RNF220: variants seen among roughly 807,000 people sequenced by gnomAD.
RNF220 encodes the protein E3 ubiquitin-protein ligase RNF220.
A neutral mutation model predicts 67.1 loss-of-function variants in RNF220; 7 were observed. That is an observed-to-expected ratio of 0.10 (90% CI 0.06 to 0.20). The LOEUF (loss-of-function observed/expected upper bound fraction) is 0.20, where lower values mean the gene tolerates loss of function less well. RNF220 is among the 10% of genes least tolerant of loss of function. The pLI is 1.00. For synonymous variants in RNF220, 270 were observed against 283.2 expected, an observed-to-expected ratio of 0.95 and a Z score of 0.47; for missense variants, 565 against 740.3, an observed-to-expected ratio of 0.76 and a Z score of 2.75.
At chr1:44,610,136 G>T (rs756385543) in intron 2 of RNF220, among the ~76,000 whole-genome samples, 1 of 152,218 alleles carries the variant, frequency 6.6e-6, no homozygotes, top group African/African-American at 2.4e-5. Context: ...CGGAATGAGC[G>T]ATCCATCTTT....
intron 2 of RNF220, among the ~76,000 whole-genome samples, chr1:44,512,154 ACT>A (rs1659066576): frequency 1.3e-5 from 2 of 151,914 alleles, no homozygotes; most frequent in South Asian, 2.1e-4. Context: ...AGAGAGGGAC[ACT>A]CTCTGGATGA....
chr1:44,471,960 A>G, intron 2 of RNF220, among the ~76,000 whole-genome samples: 1 of 152,252 alleles, frequency 6.6e-6, no homozygotes, highest in East Asian at 1.9e-4. Flanking sequence ...CATAAATAAA[A>G]TCATAAAACC....
chr1:44,533,858 C>T (rs1184001576), intron 2 of RNF220, among the ~76,000 whole-genome samples: 1 of 152,196 alleles, frequency 6.6e-6, no homozygotes, highest in Admixed American at 6.5e-5. Context: ...AGAAAGCATC[C>T]ATTTTTAGGG....
chr1:44,489,491 T>A (rs1029435666), intron 2 of RNF220, among the ~76,000 whole-genome samples: 2 of 152,234 alleles, frequency 1.3e-5, no homozygotes, highest in African/African-American at 4.8e-5. Flanking sequence ...GTTCATGCAT[T>A]CATGTATTTA....
At chr1:44,410,571 A>G (rs1395359118) in intron 1 of RNF220, 1 of 152,238 alleles carries the variant, frequency 6.6e-6, no homozygotes, top group Non-Finnish European at 1.5e-5. Flanking sequence ...AGTCATTGAC[A>G]TGTCTGCTAC....
rs770499732 is a variant in RNF220, at chr1:44,649,751, C to T, written c.1536C>T (p.Tyr512=). The change falls in exon 13 of 15, where the codon TAC becomes TAT. Residue 512 remains tyrosine, a synonymous_variant. Coordinates refer to ENST00000361799, the MANE Select transcript of RNF220 (RefSeq NM_018150.4). This position sits in a 1 kb window ranked among gnomAD's most constrained non-coding sequence, Gnocchi z 5.9. ...GGCAGCTATCTCGTGGGGACCGTTA[C>T]AAATGCCTCATCTGCATGGTGAGTA... is the stretch of plus-strand genomic sequence containing the variant. ...LERQLSRGDR[Y]KCLICMDSYS... 2.5e-6 allele frequency: 4 copies of T among 1,613,930 alleles called. No individual in the cohort carries two copies. The highest frequency in any genetic ancestry group is 2.7e-5 in the African/African-American group (2 of 74,896).
At position 44,595,708 on chromosome 1, in the gene RNF220, T is replaced by A. The variant is rs533413429; in HGVS notation, c.626-18457T>A. Among the ~76,000 whole-genome samples the A allele has an allele frequency of 2.0e-5, 3 of 152,332 alleles. No individual in the cohort carries two copies. In the South Asian group the frequency reaches 6.2e-4, roughly 32 times the overall value. On this transcript the variant is annotated intron_variant, in intron 2 of 14. Transcript: ENST00000361799. Reference sequence around the variant, plus strand: ...TCCATTCCAACCAGCATCAAGCAGATGCCCTGTGAGGAACAGAGATTTTTA... The same window carrying A: ...TCCATTCCAACCAGCATCAAGCAGAAGCCCTGTGAGGAACAGAGATTTTTA...
Position 44,514,956 on chromosome 1 carries a change from G to C in RNF220, c.626-99209G>C, listed in dbSNP as rs12060650. The stretch of plus-strand genomic sequence containing the variant: ...GAAGCAAAGGGGTAGGAGCTGGGCT[G>C]AACAAGGACCAGTCCTTGAAAATGG... On this transcript the variant is annotated intron_variant, in intron 2 of 14. Coordinates refer to ENST00000361799, the MANE Select transcript of RNF220 (RefSeq NM_018150.4). 5.4e-3 allele frequency among the ~76,000 whole-genome samples: 817 copies of C among 152,264 alleles called. 16 individuals carry two copies. Among genetic ancestry groups the C allele is most frequent in the African/African-American group, 0.019 (778 of 41,544 alleles).
intron 2 of RNF220, among the ~76,000 whole-genome samples, chr1:44,571,151 T>C (rs1057345360): frequency 1.3e-5 from 2 of 151,952 alleles, no homozygotes; most frequent in East Asian, 3.9e-4. Context: ...TCACACAGAA[T>C]AAAATCCAGT....
At chr1:44,457,828 A>G (rs1387647657) in intron 2 of RNF220, among the ~76,000 whole-genome samples, 2 of 152,198 alleles carry the variant, frequency 1.3e-5, no homozygotes. Context: ...ATTGCATTCT[A>G]ACTTAGAAAT....
chr1:44,632,693 T>C (rs955878455), intron 6 of RNF220: 96 of 522,194 alleles, frequency 1.8e-4, no homozygotes, highest in Middle Eastern at 5.2e-4. Context: ...AGCTTTGAAT[T>C]TGCAAACTGC....
chr1:44,407,634 C>T (rs772638492), intron 1 of RNF220, among the ~76,000 whole-genome samples: 2 of 152,064 alleles, frequency 1.3e-5, no homozygotes, highest in Non-Finnish European at 2.9e-5. Flanking sequence ...CGGGGACACA[C>T]ACCTGTTCTG....
intron 4 of RNF220, among the ~76,000 whole-genome samples, chr1:44,623,162 T>A (rs1573083582): frequency 1.3e-5 from 2 of 152,130 alleles, no homozygotes; most frequent in Admixed American, 1.3e-4. Flanking sequence ...GTCAAGATAG[T>A]GCAGGGCCCT....
At chr1:44,591,761 C>T (rs1666130946) in intron 2 of RNF220, among the ~76,000 whole-genome samples, 1 of 152,216 alleles carries the variant, frequency 6.6e-6, no homozygotes. Context: ...TGGACCCTCT[C>T]ACTCCTCTGT....
At chr1:44,439,572 G>A (rs1651347261) in intron 2 of RNF220, among the ~76,000 whole-genome samples, 1 of 151,822 alleles carries the variant, frequency 6.6e-6, no homozygotes, top group Non-Finnish European at 1.5e-5. Flanking sequence ...TTTATGCCTT[G>A]TGGAGCAGGG....
At chr1:44,427,189 A>G (rs1024474923) in intron 2 of RNF220, among the ~76,000 whole-genome samples, 9 of 152,204 alleles carry the variant, frequency 5.9e-5, no homozygotes, top group African/African-American at 2.2e-4. Flanking sequence ...TCACACAAGC[A>G]GGTGTGAGAG....
intron 2 of RNF220, among the ~76,000 whole-genome samples, chr1:44,590,831 G>A (rs772750707): frequency 6.6e-6 from 1 of 152,222 alleles, no homozygotes; most frequent in Non-Finnish European, 1.5e-5. Flanking sequence ...TTGGGGGCTA[G>A]AGGACACACA....
At chr1:44,641,653 A>C (rs1171408652) in intron 8 of RNF220, among the ~76,000 whole-genome samples, 1 of 152,228 alleles carries the variant, frequency 6.6e-6, no homozygotes, top group Non-Finnish European at 1.5e-5. Context: ...ATTCTGCCAG[A>C]AGTCAGCAAG....
chr1:44,404,963 C>A (rs1182296157), upstream of RNF220, among the ~76,000 whole-genome samples: 1 of 152,096 alleles, frequency 6.6e-6, no homozygotes, highest in Non-Finnish European at 1.5e-5. Flanking sequence ...AAGCACGAAA[C>A]CATTCACTGA....
Sources: allele counts gnomAD v4.1 joint callset (sites outside exome capture counted in the v4.1 genomes callset), GRCh38; gene constraint gnomAD v4.1.1; non-coding constraint Gnocchi (gnomAD v3.1); transcripts MANE v1.5; gene names NCBI Gene and HGNC (gene_info 2026-07-23, HGNC 2026-07-21).